BLMH: variants seen among roughly 807,000 people sequenced by gnomAD.
The protein encoded by BLMH is bleomycin hydrolase.
Under a neutral mutation model 61.6 loss-of-function variants are expected in BLMH, and 32 were observed. The ratio of observed to expected loss-of-function variants is 0.52; its 90% confidence interval spans 0.39 to 0.70. The LOEUF (loss-of-function observed/expected upper bound fraction) is 0.70, where lower values mean the gene tolerates loss of function less well. Ranked by LOEUF, BLMH falls within the 30% of genes least tolerant of loss-of-function variation. The pLI, the probability that BLMH is intolerant of heterozygous loss-of-function variation, is 0.00. For synonymous variants in BLMH, 183 were observed against 193.8 expected (o/e 0.94, Z 0.46); for missense variants, 460 against 555.5 (o/e 0.83, Z 1.73).
chr17:30,269,450 G>T (rs1395357683), intron 10 of BLMH, among the ~76,000 whole-genome samples: 1 of 151,798 alleles, frequency 6.6e-6, no homozygotes, highest in Non-Finnish European at 1.5e-5. Flanking sequence ...CAAAGTGCTG[G>T]GATTTCAGGT....
chr17:30,282,938 G>C (rs948602937), intron 6 of BLMH, among the ~76,000 whole-genome samples: 40 of 152,332 alleles, frequency 2.6e-4, no homozygotes, highest in African/African-American at 8.9e-4. Context: ...GCTAAGGTGG[G>C]AGGACTGCTT....
chr17:30,256,395 C>G (rs1279966227), intron 11 of BLMH, among the ~76,000 whole-genome samples: 1 of 152,196 alleles, frequency 6.6e-6, no homozygotes, highest in East Asian at 1.9e-4. Flanking sequence ...GTGGCGTGAT[C>G]TCAGTTCACT....
intron 11 of BLMH, among the ~76,000 whole-genome samples, chr17:30,255,851 T>C (rs1479926362): frequency 1.3e-5 from 2 of 152,106 alleles, no homozygotes; most frequent in Non-Finnish European, 2.9e-5. Flanking sequence ...GAGCCAAGAT[T>C]GCGCCACTGG....
chr17:30,273,025 C>T, intron 7 of BLMH, 126 bp from the exon 8 acceptor site: 1 of 1,044,196 alleles, frequency 9.6e-7, no homozygotes, highest in Non-Finnish European at 1.4e-6. Flanking sequence ...GTACTACAGC[C>T]ACATTGTTAA....
intron 11 of BLMH, among the ~76,000 whole-genome samples, chr17:30,259,955 T>C (rs550035942): frequency 6.6e-6 from 1 of 152,300 alleles, no homozygotes; most frequent in African/African-American, 2.4e-5. Flanking sequence ...TGGGGCAAGT[T>C]AGATGCCCTC....
At position 30,272,849 on chromosome 17, in the gene BLMH, G is replaced by A. The variant is rs1908313078; in HGVS notation, c.852C>T (p.Tyr284=). Residue 284 remains tyrosine, a synonymous_variant, in exon 8 of 12, where the codon TAC becomes TAT. Transcript: ENST00000261714. ...PRPQHKYNKL[Y]TVEYLSNMVG... ...CCATATTGCTTAAGTATTCCACTGT[G>A]TAAAGTTTGTTGTACTTGTGCTGGG... The A allele has an allele frequency of 6.2e-7, 1 of 1,613,980 alleles. No individual in the cohort carries two copies. Among genetic ancestry groups the A allele is most frequent in the Admixed American group, 1.7e-5 (1 of 60,000 alleles).
At position 30,274,200 on chromosome 17, in the gene BLMH, G is replaced by A; in HGVS notation, c.646-3C>T. 6.2e-7 allele frequency: 1 copy of A among 1,613,140 alleles called. No individual in the cohort carries two copies. Among genetic ancestry groups the A allele is most frequent in the Non-Finnish European group, 8.5e-7 (1 of 1,179,724 alleles). Reference sequence around the variant, plus strand: ...CAGATGCACACCACTCGGAATATCTGGAAGAGAGGAGGAGGAAAGGCGAGC... The same window carrying A: ...CAGATGCACACCACTCGGAATATCTAGAAGAGAGGAGGAGGAAAGGCGAGC... On this transcript the variant is annotated splice_region_variant and splice_polypyrimidine_tract_variant and intron_variant, in intron 6 of 11. Transcript: ENST00000261714.
rs563792427 is a variant in BLMH, at chr17:30,272,837, G to A, written c.864C>T (p.Tyr288=). The A allele has an allele frequency of 3.7e-6, 6 of 1,614,124 alleles. No individual in the cohort carries two copies. In the South Asian group the frequency reaches 5.5e-5, roughly 15 times the overall value. The part of the protein sequence containing the change: ...HKYNKLYTVE[Y]LSNMVGGRKT... ...TTCTCCCTCCAACCATATTGCTTAA[G>A]TATTCCACTGTGTAAAGTTTGTTGT... is the stretch of plus-strand genomic sequence containing the variant. The change falls in exon 8 of 12, where the codon TAC becomes TAT. Residue 288 remains tyrosine, a synonymous_variant. Transcript: ENST00000261714.
intron 11 of BLMH, among the ~76,000 whole-genome samples, chr17:30,250,845 A>G (rs1206424015): frequency 2.6e-5 from 4 of 152,226 alleles, no homozygotes; most frequent in Non-Finnish European, 5.9e-5. Context: ...GTGCCCATCA[A>G]CCAACGAGTG....
In BLMH at chr17:30,274,161, G is replaced by A; in HGVS notation, c.682C>T (p.Pro228Ser). 2 of 1,614,164 alleles carry A rather than the reference G, an allele frequency of 1.2e-6. No individual in the cohort carries two copies. The highest frequency in any genetic ancestry group is 2.2e-5 in the South Asian group (2 of 91,072). ...RVVCICLGNP[P>S]ETFTWEYRDK... ...CGATATTCCCAGGTGAATGTCTCTG[G>A]TGGATTACCCAAACAGATGCACACC... The change falls in exon 7 of 12, where the codon CCA becomes TCA. Residue 228 changes from proline (P) to serine (S), a missense_variant. Pro to Ser is a moderately conservative substitution (Grantham distance 74). This residue lies in a region of BLMH where 310 missense variants were observed against 371.1 expected (regional missense o/e 0.84). Coordinates refer to ENST00000261714, the MANE Select transcript of BLMH (RefSeq NM_000386.4).
chr17:30,262,194 C>T (rs1427306182), intron 11 of BLMH, among the ~76,000 whole-genome samples: 2 of 152,064 alleles, frequency 1.3e-5, no homozygotes, highest in East Asian at 1.9e-4. Flanking sequence ...AGAAACTGGA[C>T]CAAATAAGCA....
rs142537711 is a variant in BLMH, at chr17:30,262,524, G to A, written c.1216+4361C>T. ...GAACTAAATAACCTTGGCCGGGCAC[G>A]GTGGCTCACGCCTGTAACCCAGCAC... is the stretch of plus-strand genomic sequence containing the variant. On this transcript the variant is annotated intron_variant, in intron 11 of 11. Coordinates refer to ENST00000261714, the MANE Select transcript of BLMH (RefSeq NM_000386.4). Among the ~76,000 whole-genome samples the A allele has an allele frequency of 1.9e-3, 283 of 152,298 alleles. 1 individual carries two copies. Among genetic ancestry groups the A allele is most frequent in the Non-Finnish European group, 2.9e-3 (197 of 68,024 alleles).
intron 11 of BLMH, among the ~76,000 whole-genome samples, chr17:30,259,969 T>C (rs1246355658): frequency 6.6e-6 from 1 of 152,172 alleles, no homozygotes; most frequent in Non-Finnish European, 1.5e-5. Context: ...TGCCCTCCTC[T>C]AGAAGGGAAA....
chr17:30,253,638 T>G (rs1907731924), intron 11 of BLMH, among the ~76,000 whole-genome samples: 1 of 151,966 alleles, frequency 6.6e-6, no homozygotes, highest in African/African-American at 2.4e-5. Flanking sequence ...CTCCTAACCC[T>G]TAGACACACT....
At chr17:30,264,480 A>T (rs1908045169) in intron 11 of BLMH, among the ~76,000 whole-genome samples, 1 of 152,236 alleles carries the variant, frequency 6.6e-6, no homozygotes, top group African/African-American at 2.4e-5. Context: ...TATACAGTAA[A>T]GTGACCTAAA....
At chr17:30,257,981 T>A (rs555138177) in intron 11 of BLMH, among the ~76,000 whole-genome samples, 1 of 152,306 alleles carries the variant, frequency 6.6e-6, no homozygotes, top group East Asian at 1.9e-4. Flanking sequence ...GGTCCATTTA[T>A]AATGTATTTT....
At chr17:30,273,917 G>C in intron 7 of BLMH, 125 bp downstream of exon 7, 1 of 1,227,916 alleles carries the variant, frequency 8.1e-7, no homozygotes. Context: ...AGGAAGTGGG[G>C]AAAAATGTTT....
rs192804776 is a variant in BLMH at position 30,259,250 on chromosome 17, C to T, written c.1216+7635G>A. Reference sequence around the variant, plus strand: ...CCACTATACATAGCCTTTGAAAGAACGAAGTACTGACATGCTGCTGATGGA... The same window carrying T: ...CCACTATACATAGCCTTTGAAAGAATGAAGTACTGACATGCTGCTGATGGA... On this transcript the variant is annotated intron_variant, in intron 11 of 11. Coordinates refer to ENST00000261714, the MANE Select transcript of BLMH (RefSeq NM_000386.4). 2.3e-3 allele frequency among the ~76,000 whole-genome samples: 351 copies of T among 152,292 alleles called. 1 individual carries two copies. The highest frequency in any genetic ancestry group is 7.2e-3 in the African/African-American group (298 of 41,558).
At chr17:30,291,170 C>A in intron 2 of BLMH, 141 bp downstream of exon 2, 1 of 1,047,994 alleles carries the variant, frequency 9.5e-7, no homozygotes, top group Admixed American at 2.5e-5. Flanking sequence ...GTTCTTAGAC[C>A]TGCCTGTACC....
Sources: gnomAD v4.1 joint callset for allele counts (sites outside exome capture counted in the v4.1 genomes callset) on GRCh38, gnomAD v4.1.1 for gene constraint, gnomAD v4.1.1 regional missense constraint, MANE v1.5 for transcripts, NCBI Gene and HGNC (gene_info 2026-07-23, HGNC 2026-07-21) for gene names.